The following CTIF variants were observed in gnomAD, a reference collection of about 807,000 sequenced individuals.
CTIF encodes CBP80/20-dependent translation initiation factor.
CTIF carries 21 observed loss-of-function variants against 66.0 expected under a neutral mutation model. That is an observed-to-expected ratio of 0.32 (90% CI 0.23 to 0.46). CTIF has a LOEUF of 0.46. Among genes scored for constraint, CTIF ranks in the 20% least tolerant of loss-of-function variants. The pLI is 1.00. For synonymous variants in CTIF, 345 were observed against 326.4 expected (o/e 1.06, Z -0.62); for missense variants, 739 against 812.7 (o/e 0.91, Z 1.10).
chr18:48,739,790 C>A (rs2092538784), intron 7 of CTIF, among the ~76,000 whole-genome samples: 1 of 152,214 alleles, frequency 6.6e-6, no homozygotes, highest in Admixed American at 6.5e-5. Context: ...AGTAATTCCT[C>A]TGCTCTGGAA....
chr18:48,825,757 T>G (rs1387235613), intron 10 of CTIF, among the ~76,000 whole-genome samples: 1 of 152,188 alleles, frequency 6.6e-6, no homozygotes, highest in Non-Finnish European at 1.5e-5. Context: ...GGAGCAGAGA[T>G]TTGCTGGCTG....
At chr18:48,546,156 C>G (rs1218228445) in intron 1 of CTIF, among the ~76,000 whole-genome samples, 1 of 152,180 alleles carries the variant, frequency 6.6e-6, no homozygotes, top group African/African-American at 2.4e-5. Flanking sequence ...GCTGTAACAA[C>G]CCCAGGGAAG....
intron 3 of CTIF, among the ~76,000 whole-genome samples, chr18:48,641,925 C>G (rs550745315): frequency 6.6e-6 from 1 of 152,234 alleles, no homozygotes; most frequent in Non-Finnish European, 1.5e-5. Flanking sequence ...CTCAAATACA[C>G]TAATTACCTC....
chr18:48,720,277 G>T (rs60240847), intron 7 of CTIF, among the ~76,000 whole-genome samples: 1 of 151,804 alleles, frequency 6.6e-6, no homozygotes, highest in Non-Finnish European at 1.5e-5. Context: ...AGATGGGGAC[G>T]GGGGGGATGC....
chr18:48,585,662 G>A (rs1310328411), intron 1 of CTIF, among the ~76,000 whole-genome samples: 2 of 152,288 alleles, frequency 1.3e-5, no homozygotes, highest in East Asian at 3.9e-4. Context: ...TGTGGACAGG[G>A]ACACTTGGCA....
chr18:48,722,214 T>C (rs2092344809), intron 7 of CTIF, among the ~76,000 whole-genome samples: 1 of 144,700 alleles, frequency 6.9e-6, no homozygotes, highest in South Asian at 2.3e-4. Context: ...TGCTTTTTTT[T>C]TTTTTTTTTT....
At chr18:48,740,152 A>G (rs4939802) in intron 7 of CTIF, among the ~76,000 whole-genome samples, 24,083 of 152,252 alleles carry the variant, frequency 0.16, 2,261 homozygotes, top group Non-Finnish European at 0.21. Context: ...GCCTGGATGC[A>G]GGCAGGCTGC....
chr18:48,801,696 T>G (rs1312619745), intron 9 of CTIF, among the ~76,000 whole-genome samples: 1 of 152,206 alleles, frequency 6.6e-6, no homozygotes, highest in Non-Finnish European at 1.5e-5. Context: ...CCGGACAATT[T>G]CAGAAGTAAT....
chr18:48,754,495 G>A (rs949531556), intron 7 of CTIF, among the ~76,000 whole-genome samples: 11 of 152,240 alleles, frequency 7.2e-5, no homozygotes, highest in African/African-American at 2.7e-4. Flanking sequence ...GGAAAAGGGA[G>A]GACAGAGGGA....
intron 9 of CTIF, among the ~76,000 whole-genome samples, chr18:48,765,658 G>A (rs182899488): frequency 1.4e-4 from 21 of 152,286 alleles, no homozygotes; most frequent in African/African-American, 4.6e-4. Flanking sequence ...GTGGGAGAAG[G>A]GAGAAGGTTT....
intron 1 of CTIF, among the ~76,000 whole-genome samples, chr18:48,591,274 C>G (rs1361158182): frequency 6.6e-6 from 1 of 152,234 alleles, no homozygotes; most frequent in Non-Finnish European, 1.5e-5. Context: ...CCTTGTGGGT[C>G]CCAGGCTGGC....
chr18:48,766,668 G>A (rs986177224), intron 9 of CTIF, among the ~76,000 whole-genome samples: 1 of 152,218 alleles, frequency 6.6e-6, no homozygotes, highest in Non-Finnish European at 1.5e-5. Flanking sequence ...AGCTGGCTCT[G>A]CCTGTCATGC....
intron 1 of CTIF, among the ~76,000 whole-genome samples, chr18:48,552,672 G>C (rs760676974): frequency 4.6e-5 from 7 of 152,162 alleles, no homozygotes; most frequent in Non-Finnish European, 8.8e-5. Context: ...CATCGAGTCA[G>C]TGGTTAGATT....
chr18:48,713,186 G>A (rs1202137117), intron 7 of CTIF, among the ~76,000 whole-genome samples: 2 of 152,178 alleles, frequency 1.3e-5, no homozygotes, highest in Admixed American at 6.5e-5. Context: ...GTTCACAGGG[G>A]CCTGGGAGGT....
At chr18:48,800,589 G>T (rs1368285876) in intron 9 of CTIF, among the ~76,000 whole-genome samples, 1 of 152,222 alleles carries the variant, frequency 6.6e-6, no homozygotes, top group Non-Finnish European at 1.5e-5. Context: ...ATAACACCTG[G>T]CATGGATAAC....
chr18:48,757,851 C>A (rs1202368474), intron 7 of CTIF, 68 bp from the exon 8 acceptor site: 10 of 1,537,782 alleles, frequency 6.5e-6, no homozygotes, highest in African/African-American at 1.4e-5. Context: ...GTTCTGGCGG[C>A]TGGGCACAGG....
intron 1 of CTIF, among the ~76,000 whole-genome samples, chr18:48,587,583 T>C (rs1286995745): frequency 6.6e-6 from 1 of 152,216 alleles, no homozygotes; most frequent in African/African-American, 2.4e-5. Flanking sequence ...TAGTCCTGGC[T>C]GTGTTACTAA....
At chr18:48,579,223 G>A (rs982281194) in intron 1 of CTIF, among the ~76,000 whole-genome samples, 1 of 152,130 alleles carries the variant, frequency 6.6e-6, no homozygotes, top group Non-Finnish European at 1.5e-5. Flanking sequence ...CGCCTCCCAG[G>A]TTCAAGTGAT....
chr18:48,692,321 A>C (rs573509833), intron 6 of CTIF, among the ~76,000 whole-genome samples: 2 of 123,358 alleles, frequency 1.6e-5, no homozygotes, highest in South Asian at 4.7e-4. Context: ...ACAAAAACAA[A>C]ACAAAAAACA....
Sources: gnomAD v4.1 joint callset for allele counts (sites outside exome capture counted in the v4.1 genomes callset) on GRCh38, gnomAD v4.1.1 for gene constraint, MANE v1.5 for transcripts, NCBI Gene and HGNC (gene_info 2026-07-23, HGNC 2026-07-21) for gene names.